The following LRRTM4 variants were observed in gnomAD, a reference collection of about 807,000 sequenced individuals.
The protein encoded by LRRTM4 is leucine rich repeat transmembrane neuronal 4.
LRRTM4 carries 25 observed loss-of-function variants against 47.6 expected under a neutral mutation model. The observed-to-expected ratio is 0.53, with a 90% CI of 0.38 to 0.73. The LOEUF (loss-of-function observed/expected upper bound fraction) is 0.73. Among genes scored for constraint, LRRTM4 ranks in the 30% least tolerant of loss-of-function variants. The probability of loss-of-function intolerance (pLI) is 0.00; values close to 1 mark genes in which losing one functional copy is unlikely to be tolerated. For missense variants in LRRTM4, 638 were observed against 713.4 expected, an observed-to-expected ratio of 0.89 and a Z score of 1.20; for synonymous variants, 311 against 269.5, an observed-to-expected ratio of 1.15 and a Z score of -1.51.
At chr2:76,864,962 C>A (rs1425720102) in intron 3 of LRRTM4, among the ~76,000 whole-genome samples, 1 of 151,296 alleles carries the variant, frequency 6.6e-6, no homozygotes, top group Admixed American at 6.6e-5. Context: ...GTCTCAATCT[C>A]CTGGCTCAAG....
chr2:77,404,554 G>A (rs1003591139), intron 3 of LRRTM4, among the ~76,000 whole-genome samples: 6 of 152,016 alleles, frequency 3.9e-5, no homozygotes, highest in East Asian at 1.9e-4. Context: ...AAAGAGGCCC[G>A]TAGAAGGACA....
At chr2:77,008,517 G>A (rs970216137) in intron 3 of LRRTM4, among the ~76,000 whole-genome samples, 11 of 152,158 alleles carry the variant, frequency 7.2e-5, no homozygotes, top group African/African-American at 2.2e-4. Flanking sequence ...GAATAAGGTT[G>A]CTGGCATTGT....
intron 3 of LRRTM4, among the ~76,000 whole-genome samples, chr2:77,095,565 G>C (rs922299487): frequency 4.6e-5 from 7 of 151,040 alleles, no homozygotes; most frequent in Admixed American, 4.6e-4. Context: ...GAGTACAGTG[G>C]CATGATCTTG....
chr2:76,917,412 T>C (rs1449784726), intron 3 of LRRTM4, among the ~76,000 whole-genome samples: 35 of 152,166 alleles, frequency 2.3e-4, no homozygotes, highest in Non-Finnish European at 1.5e-4. Context: ...GTATTGTGCA[T>C]CTCCATTGGA....
At chr2:77,468,961 A>G (rs1219885015) in intron 3 of LRRTM4, among the ~76,000 whole-genome samples, 2 of 152,178 alleles carry the variant, frequency 1.3e-5, no homozygotes, top group African/African-American at 4.8e-5. Flanking sequence ...CGTTTTTACT[A>G]CATTTGTACT....
intron 3 of LRRTM4, among the ~76,000 whole-genome samples, chr2:77,255,589 A>C (rs538703375): frequency 6.6e-6 from 1 of 152,090 alleles, no homozygotes; most frequent in South Asian, 2.1e-4. Flanking sequence ...CTGCAATGGC[A>C]TCAGAGTAGC....
At chr2:77,038,400 G>A (rs1453538108) in intron 3 of LRRTM4, among the ~76,000 whole-genome samples, 2 of 151,344 alleles carry the variant, frequency 1.3e-5, no homozygotes, top group Admixed American at 6.6e-5. Context: ...GCTTTGTTTC[G>A]ATTTGTTTTG....
At chr2:77,226,792 A>T (rs1674826269) in intron 3 of LRRTM4, among the ~76,000 whole-genome samples, 1 of 151,940 alleles carries the variant, frequency 6.6e-6, no homozygotes, top group East Asian at 1.9e-4. Context: ...GGGGTAGCCT[A>T]TTCTGAAAAT....
chr2:76,974,173 CAT>C (rs373130989), intron 3 of LRRTM4, among the ~76,000 whole-genome samples: 30 of 130,328 alleles, frequency 2.3e-4, no homozygotes, highest in Middle Eastern at 4.5e-3. Flanking sequence ...TATATACATA[CAT>C]ATATATACAT....
chr2:77,480,822 G>GGAGAGAGAGAGA (rs67377276), intron 3 of LRRTM4, among the ~76,000 whole-genome samples: 965 of 74,456 alleles, frequency 0.013, 49 homozygotes, highest in Non-Finnish European at 0.019. Flanking sequence ...GTGTGTGTGT[G>GGAGAGAGAGAGA]GAGAGAGAGA....
At chr2:77,380,666 C>A (rs13425358) in intron 3 of LRRTM4, among the ~76,000 whole-genome samples, 1 of 151,542 alleles carries the variant, frequency 6.6e-6, no homozygotes, top group African/African-American at 2.4e-5. Flanking sequence ...CCTGGATGTG[C>A]GTGCCTGTAA....
intron 3 of LRRTM4, among the ~76,000 whole-genome samples, chr2:77,314,808 T>A (rs1250227789): frequency 6.6e-6 from 1 of 152,190 alleles, no homozygotes; most frequent in Non-Finnish European, 1.5e-5. Context: ...AGAATTTTAA[T>A]TTTGATCTTT....
chr2:77,102,969 T>C lies in LRRTM4; in HGVS notation c.1552-354053A>G, dbSNP rs115437667. Among the ~76,000 whole-genome samples the C allele has an allele frequency of 8.0e-3, 1,219 of 152,304 alleles. 12 individuals carry two copies. The highest frequency in any genetic ancestry group is 0.041 in the Middle Eastern group (12 of 294). Reference sequence around the variant, plus strand: ...CATGTGACATGGAAAGCCTACCATATATACTCTTTGGGACTTTAATAGCTG... The same window carrying C: ...CATGTGACATGGAAAGCCTACCATACATACTCTTTGGGACTTTAATAGCTG... On this transcript the variant is annotated intron_variant, in intron 3 of 3. Coordinates refer to ENST00000409884, the MANE Select transcript of LRRTM4 (RefSeq NM_001134745.3).
At chr2:77,238,760 C>A (rs1469828025) in intron 3 of LRRTM4, among the ~76,000 whole-genome samples, 1 of 151,772 alleles carries the variant, frequency 6.6e-6, no homozygotes. Flanking sequence ...GGAAACTTCT[C>A]ATAAAAGAAC....
At chr2:77,031,035 A>T (rs1013830207) in intron 3 of LRRTM4, among the ~76,000 whole-genome samples, 1 of 152,142 alleles carries the variant, frequency 6.6e-6, no homozygotes, top group Non-Finnish European at 1.5e-5. Flanking sequence ...TAAACTGTAA[A>T]TATTATTTTC....
chr2:77,244,132 G>GGTGTA (rs1166277480), intron 3 of LRRTM4, among the ~76,000 whole-genome samples: 2 of 138,334 alleles, frequency 1.4e-5, no homozygotes, highest in Admixed American at 7.6e-5. Flanking sequence ...AGTATTCCAT[G>GGTGTA]GTGTAGATGT....
At position 76,789,222 on chromosome 2, in the gene LRRTM4, C is replaced by T. The variant is rs543793002; in HGVS notation, c.1552-40306G>A. On this transcript the variant is annotated intron_variant, in intron 3 of 3. Transcript: ENST00000409884. ...CTTTGTTTTCTTCACACCAAGGCACCTTATGTGCTAGCAGTGGCAGTGATG... is the reference window on the plus strand; with the variant it reads ...CTTTGTTTTCTTCACACCAAGGCACTTTATGTGCTAGCAGTGGCAGTGATG... Among the ~76,000 whole-genome samples the T allele has an allele frequency of 3.4e-3, 523 of 152,216 alleles. 2 individuals are homozygous for T. Among genetic ancestry groups the T allele is most frequent in the African/African-American group, 0.012 (501 of 41,556 alleles).
intron 3 of LRRTM4, among the ~76,000 whole-genome samples, chr2:77,357,213 A>G (rs1052708912): frequency 6.6e-6 from 1 of 152,198 alleles, no homozygotes; most frequent in African/African-American, 2.4e-5. Context: ...GAAGTGAAGG[A>G]TAATTTCAAA....
intron 3 of LRRTM4, among the ~76,000 whole-genome samples, chr2:77,108,729 G>A (rs569405684): frequency 1.5e-4 from 23 of 151,642 alleles, no homozygotes; most frequent in East Asian, 1.4e-3. Context: ...GACTACAGGC[G>A]CCCGCCACCA....
Sources: allele counts gnomAD v4.1 joint callset (sites outside exome capture counted in the v4.1 genomes callset), GRCh38; gene constraint gnomAD v4.1.1; transcripts MANE v1.5; gene names NCBI Gene and HGNC (gene_info 2026-07-23, HGNC 2026-07-21).